AGO2: variants seen among roughly 807,000 people sequenced by gnomAD.
AGO2 encodes the protein argonaute RISC catalytic component 2.
Under a neutral mutation model 102.3 loss-of-function variants are expected in AGO2, and 5 were observed. That is an observed-to-expected ratio of 0.05 (90% confidence interval 0.03 to 0.10). AGO2 has a LOEUF of 0.10. AGO2 is among the 10% of genes least tolerant of loss of function. AGO2 has a pLI of 1.00. For synonymous variants in AGO2, 449 were observed against 473.1 expected (o/e 0.95, Z 0.66); for missense variants, 541 against 1,183.7 (o/e 0.46, Z 7.97).
At position 140,539,953 on chromosome 8, in the gene AGO2, G is replaced by C. The variant is rs761023822; in HGVS notation, c.2035-499C>G. Among the ~76,000 whole-genome samples the C allele has an allele frequency of 1.7e-4, 26 of 152,312 alleles. No individual in the cohort carries two copies. Among genetic ancestry groups the C allele is most frequent in the Non-Finnish European group, 3.5e-4 (24 of 68,026 alleles). ...AATACAAAAATTAACTGGGCGTGGT[G>C]GTGGGCACCTGTCGTAATCCCAGCT... is the stretch of plus-strand genomic sequence containing the variant. On this transcript the variant is annotated intron_variant, in intron 15 of 18. Transcript: ENST00000220592. This position sits in a 1 kb window ranked among gnomAD's most constrained non-coding sequence, Gnocchi z 4.7.
In AGO2 at chr8:140,528,738, G is replaced by A. The variant is rs2072542257; in HGVS notation, c.*3306C>T. On this transcript the variant is annotated 3_prime_UTR_variant, in exon 19 of 19. Transcript: ENST00000220592. This position sits in a 1 kb window ranked among gnomAD's most constrained non-coding sequence, Gnocchi z 4.5. ...TAAGGAAAACGATCCCTTTCTAAAA[G>A]TACAGCTATGCCCAGTTTTACAAAA... 1 of 152,172 alleles carries A rather than the reference G, an allele frequency of 6.6e-6. No individual in the cohort carries two copies. The highest frequency in any genetic ancestry group is 2.4e-5 in the African/African-American group (1 of 41,426). 9.4% of individuals were successfully genotyped at this position (152,172 alleles called of 1,614,324 possible).
intron 1 of AGO2, among the ~76,000 whole-genome samples, chr8:140,627,175 G>T (rs2074289435): frequency 6.6e-6 from 1 of 152,246 alleles, no homozygotes; most frequent in African/African-American, 2.4e-5. Flanking sequence ...GCCTGGGAAT[G>T]TGGGTCCCAC....
chr8:140,532,598 C>G lies in AGO2; in HGVS notation c.2289G>C (p.Ser763=). The G allele has an allele frequency of 6.2e-7, 1 of 1,614,240 alleles. No homozygotes were observed. Among genetic ancestry groups the G allele is most frequent in the South Asian group, 1.1e-5 (1 of 91,088 alleles). The change falls in exon 18 of 19, where the codon TCG becomes TCC. Residue 763 remains serine, a synonymous_variant. Transcript: ENST00000220592. ...TGTCGTCCCAGAGGACGTGATAGTGCGAAGGCCTGCTTGTCCCCTAAAGCA... is the reference window on the plus strand; with the variant it reads ...TGTCGTCCCAGAGGACGTGATAGTGGGAAGGCCTGCTTGTCCCCTAAAGCA... The part of the protein sequence containing the change: ...HAGIQGTSRP[S]HYHVLWDDNR...
intron 1 of AGO2, among the ~76,000 whole-genome samples, chr8:140,622,174 C>T (rs948570093): frequency 5.3e-5 from 8 of 152,204 alleles, no homozygotes; most frequent in East Asian, 1.9e-4. Flanking sequence ...AGAACATACT[C>T]GGAACAGGTC....
rs10661844 is a variant in AGO2, at chr8:140,577,207, CA to C, written c.216-4276del. ...TGGGCGACAGAGCAAGACTCCATCTCAAAAAAAAAAAAAAAAAAAAAGAAAC... is the reference window on the plus strand; with the variant it reads ...TGGGCGACAGAGCAAGACTCCATCTCAAAAAAAAAAAAAAAAAAAAGAAAC... On this transcript the variant is annotated intron_variant, in intron 2 of 18. Transcript: ENST00000220592. Among the ~76,000 whole-genome samples, 311 of 70,736 alleles carry C rather than the reference CA, an allele frequency of 4.4e-3. 1 individual carries two copies. Among genetic ancestry groups the C allele is most frequent in the African/African-American group, 0.015 (239 of 15,952 alleles). 46.4% of individuals were successfully genotyped at this position (70,736 alleles called of 152,430 possible). A position where few individuals can be genotyped will look rare whatever the true frequency, so the allele number is the denominator to read the frequency against.
At chr8:140,542,142 C>G (rs909716864) in intron 14 of AGO2, among the ~76,000 whole-genome samples, 1 of 152,186 alleles carries the variant, frequency 6.6e-6, no homozygotes, top group Non-Finnish European at 1.5e-5. Context: ...CTCTGCGGTT[C>G]TCTGTCGGGG....
Position 140,545,361 on chromosome 8 carries a change from G to A in AGO2, c.1749-1058C>T, listed in dbSNP as rs550146156. On this transcript the variant is annotated intron_variant, in intron 13 of 18. Coordinates refer to ENST00000220592, the MANE Select transcript of AGO2 (RefSeq NM_012154.5). Reference sequence around the variant, plus strand: ...GCCTCGCTGCGTCTGGCCCGCTGCAGGACACACTTCCCTTGGTGCCTAGGG... The same window carrying A: ...GCCTCGCTGCGTCTGGCCCGCTGCAAGACACACTTCCCTTGGTGCCTAGGG... Among the ~76,000 whole-genome samples the A allele has an allele frequency of 9.2e-5, 14 of 152,268 alleles. No homozygotes were observed. In the East Asian group the frequency reaches 2.7e-3, roughly 29 times the overall value.
At chr8:140,552,196 G>A (rs2073010819) in intron 10 of AGO2, among the ~76,000 whole-genome samples, 1 of 152,210 alleles carries the variant, frequency 6.6e-6, no homozygotes, top group African/African-American at 2.4e-5. Flanking sequence ...ATCAGAGCTG[G>A]GACTGAGCCC....
chr8:140,544,882 G>A (rs1166898957), intron 13 of AGO2, among the ~76,000 whole-genome samples: 1 of 152,196 alleles, frequency 6.6e-6, no homozygotes, highest in Non-Finnish European at 1.5e-5. Flanking sequence ...GGACTTCCCT[G>A]GGAGGCAGCA....
In AGO2 at chr8:140,608,674, C is replaced by T. The variant is rs550722407; in HGVS notation, c.23-23363G>A. ...GACAATCCACGGGGAAGTGCCATTC[C>T]CCAACCTCCACTGCGCAGGCCAAGC... On this transcript the variant is annotated intron_variant, in intron 1 of 18. Coordinates refer to ENST00000220592, the MANE Select transcript of AGO2 (RefSeq NM_012154.5). 7.9e-5 allele frequency among the ~76,000 whole-genome samples: 12 copies of T among 152,326 alleles called. No individual in the cohort carries two copies. The South Asian group carries it at 2.3e-3, about 29-fold the overall frequency.
rs2073120933 is a variant in AGO2 at position 140,557,609 on chromosome 8, G to A, written c.879-373C>T. 6.6e-6 allele frequency among the ~76,000 whole-genome samples: 1 copy of A among 152,204 alleles called. No individual in the cohort carries two copies. The highest frequency in any genetic ancestry group is 6.5e-5 in the Admixed American group (1 of 15,282). ...GCCGCGCGCTCCCGGTGCCCAGAAG[G>A]CCTGAAGCCCCCAGGACAGGACGAG... On this transcript the variant is annotated intron_variant, in intron 7 of 18. Coordinates refer to ENST00000220592, the MANE Select transcript of AGO2 (RefSeq NM_012154.5). The surrounding 1 kb of genome is among the most constrained non-coding windows in gnomAD (Gnocchi z 5.9).
At position 140,555,227 on chromosome 8, in the gene AGO2, G is replaced by A. The variant is rs561822034; in HGVS notation, c.1269+669C>T. Among the ~76,000 whole-genome samples the A allele has an allele frequency of 3.3e-5, 5 of 152,234 alleles. No homozygotes were observed. The East Asian group carries it at 5.8e-4, about 18-fold the overall frequency. On this transcript the variant is annotated intron_variant, in intron 10 of 18. Transcript: ENST00000220592. ...ACCTCTGGGCCCTCCCATCAGACAT[G>A]GTATGCTTGCAACCGTGGTATGCAA...
intron 1 of AGO2, among the ~76,000 whole-genome samples, chr8:140,608,479 C>T (rs1025872399): frequency 9.9e-5 from 15 of 152,254 alleles, no homozygotes; most frequent in Admixed American, 6.5e-5. Context: ...GGCCCCATGC[C>T]CCCTCCCAGC....
intron 13 of AGO2, among the ~76,000 whole-genome samples, chr8:140,546,044 C>T (rs12542354): frequency 0.065 from 9,936 of 152,302 alleles, 581 homozygotes; most frequent in East Asian, 0.26. Flanking sequence ...ACTTCCGGCC[C>T]GGTGCTGCCC....
intron 1 of AGO2, among the ~76,000 whole-genome samples, chr8:140,606,770 C>G (rs1183529474): frequency 6.6e-6 from 1 of 151,250 alleles, no homozygotes; most frequent in East Asian, 1.9e-4. Flanking sequence ...AACCCCGTCT[C>G]TACTAAAAAT....
chr8:140,551,917 GGATGGAGA>G (rs1318480291), intron 10 of AGO2, among the ~76,000 whole-genome samples: 3 of 152,048 alleles, frequency 2.0e-5, no homozygotes, highest in Admixed American at 1.3e-4. Context: ...GTAGGTAGGT[GGATGGAGA>G]GATGGAGAGA....
intron 2 of AGO2, among the ~76,000 whole-genome samples, chr8:140,576,584 C>T (rs1253542762): frequency 1.3e-5 from 2 of 152,110 alleles, no homozygotes; most frequent in African/African-American, 4.8e-5. Flanking sequence ...AGACATCCAG[C>T]AGAAAGGCTA....
At chr8:140,610,590 G>A (rs1413775025) in intron 1 of AGO2, among the ~76,000 whole-genome samples, 8 of 152,182 alleles carry the variant, frequency 5.3e-5, no homozygotes, top group African/African-American at 1.4e-4. Context: ...CCAACCCTCC[G>A]AAGACAGCGC....
At chr8:140,548,764 G>GCAGTT (rs1179601161) in intron 12 of AGO2, among the ~76,000 whole-genome samples, 2 of 152,234 alleles carry the variant, frequency 1.3e-5, no homozygotes, top group East Asian at 3.8e-4. Flanking sequence ...TGAGTCCCGG[G>GCAGTT]CAGGAGGTGA....
Sources: gnomAD v4.1 joint callset for allele counts (sites outside exome capture counted in the v4.1 genomes callset) on GRCh38, gnomAD v4.1.1 for gene constraint, Gnocchi (gnomAD v3.1) non-coding constraint, MANE v1.5 for transcripts, NCBI Gene and HGNC (gene_info 2026-07-23, HGNC 2026-07-21) for gene names.